Variants in LRRC49 observed in about 807,000 individuals in gnomAD.
The protein encoded by LRRC49 is leucine-rich repeat-containing protein 49.
LRRC49 carries 50 observed loss-of-function variants against 83.3 expected under a neutral mutation model. That is an observed-to-expected ratio of 0.60 (90% CI 0.48 to 0.76). LRRC49 has a LOEUF of 0.76. Ranked by LOEUF, LRRC49 falls within the 30% of genes least tolerant of loss-of-function variation. LRRC49 has a pLI of 0.00. For synonymous variants in LRRC49, 286 were observed against 283.3 expected (o/e 1.01, Z -0.10); for missense variants, 704 against 809.1 (o/e 0.87, Z 1.58).
At chr15:71,041,854 A>G (rs970317343) in intron 15 of LRRC49, among the ~76,000 whole-genome samples, 1 of 152,174 alleles carries the variant, frequency 6.6e-6, no homozygotes, top group Non-Finnish European at 1.5e-5. Context: ...ATTAAGGCAT[A>G]TTATAAATAC....
In LRRC49 at chr15:70,939,909, A is replaced by G. The variant is rs1301082234; in HGVS notation, c.773+3087A>G. Reference sequence around the variant, plus strand: ...TTTAAGTTCTCTAATGACCTTTGTTAGTACATATGTTAGTACATATAGTAT... The same window carrying G: ...TTTAAGTTCTCTAATGACCTTTGTTGGTACATATGTTAGTACATATAGTAT... On this transcript the variant is annotated intron_variant, in intron 8 of 15. Transcript: ENST00000260382. Among the ~76,000 whole-genome samples, 3 of 130,006 alleles carry G rather than the reference A, an allele frequency of 2.3e-5. No homozygotes were observed. The Admixed American group carries it at 2.5e-4, about 11-fold the overall frequency. 85.3% of individuals were successfully genotyped at this position (130,006 alleles called of 152,430 possible).
At chr15:70,997,367 C>T (rs1036037064) in intron 11 of LRRC49, among the ~76,000 whole-genome samples, 1 of 152,070 alleles carries the variant, frequency 6.6e-6, no homozygotes, top group Non-Finnish European at 1.5e-5. Context: ...CTTTTGGTTA[C>T]TGTTTGCATG....
chr15:70,977,145 T>C (rs1456933192), intron 9 of LRRC49, among the ~76,000 whole-genome samples: 1 of 152,230 alleles, frequency 6.6e-6, no homozygotes, highest in African/African-American at 2.4e-5. Context: ...GAGTCAACAA[T>C]TGAACATCAA....
At chr15:70,952,149 T>G (rs1272955168) in intron 8 of LRRC49, among the ~76,000 whole-genome samples, 1 of 152,056 alleles carries the variant, frequency 6.6e-6, no homozygotes, top group African/African-American at 2.4e-5. Flanking sequence ...TTTGATGTGC[T>G]TCTGAATTTG....
chr15:70,933,178 A>G (rs900355352), intron 7 of LRRC49, among the ~76,000 whole-genome samples: 6 of 152,074 alleles, frequency 3.9e-5, no homozygotes, highest in Non-Finnish European at 8.8e-5. Flanking sequence ...AATTTTTTCT[A>G]TTTTTTAAAA....
chr15:70,907,185 T>C lies in LRRC49; in HGVS notation c.500+2430T>C, dbSNP rs1427017009. On this transcript the variant is annotated intron_variant, in intron 5 of 15. Transcript: ENST00000260382. ...GTACATCTGCTACCCTGTCTCTTCA[T>C]GCATTTGTGTTAAATGACTTGTTGC... Among the ~76,000 whole-genome samples the C allele has an allele frequency of 2.6e-5, 4 of 152,234 alleles. No individual in the cohort carries two copies. In the East Asian group the frequency reaches 7.7e-4, roughly 29 times the overall value.
intron 1 of LRRC49, among the ~76,000 whole-genome samples, chr15:70,867,496 C>T (rs2141073582): frequency 6.6e-6 from 1 of 152,180 alleles, no homozygotes; most frequent in African/African-American, 2.4e-5. Context: ...TGCAGCAGTC[C>T]CAAGTCCCAA....
chr15:70,973,245 G>A (rs749445972), intron 9 of LRRC49, among the ~76,000 whole-genome samples: 3 of 152,122 alleles, frequency 2.0e-5, no homozygotes, highest in Non-Finnish European at 2.9e-5. Context: ...CCCCTCTTCT[G>A]CAGGTCTGCT....
chr15:71,031,042 C>T (rs375378847), intron 14 of LRRC49, among the ~76,000 whole-genome samples: 34 of 152,206 alleles, frequency 2.2e-4, no homozygotes, highest in African/African-American at 7.7e-4. Context: ...AGATTTGTGC[C>T]ATTGCTGGGG....
chr15:71,035,336 G>T (rs1567110573), intron 14 of LRRC49, among the ~76,000 whole-genome samples: 1 of 151,544 alleles, frequency 6.6e-6, no homozygotes, highest in Non-Finnish European at 1.5e-5. Flanking sequence ...CATTATTATT[G>T]TTTTTTTTAA....
At chr15:70,890,613 G>A (rs1428911295), upstream of LRRC49, among the ~76,000 whole-genome samples, 1 of 152,198 alleles carries the variant, frequency 6.6e-6, no homozygotes, top group African/African-American at 2.4e-5. Flanking sequence ...TGCTACTGAA[G>A]TATCTGTGCT....
At chr15:71,049,344 T>G in intron 15 of LRRC49, 65 bp from the exon 16 acceptor site, 1 of 1,025,142 alleles carries the variant, frequency 9.8e-7, no homozygotes. Context: ...GTGGTTCAGC[T>G]AATTGTTGCT....
At chr15:71,017,152 G>A (rs2038854294) in intron 14 of LRRC49, among the ~76,000 whole-genome samples, 2 of 151,938 alleles carry the variant, frequency 1.3e-5, no homozygotes, top group South Asian at 4.2e-4. Flanking sequence ...GAACAAAAAG[G>A]AAGCTTAAAA....
At chr15:70,968,158 C>A (rs910545045) in intron 9 of LRRC49, among the ~76,000 whole-genome samples, 1 of 152,002 alleles carries the variant, frequency 6.6e-6, no homozygotes, top group Non-Finnish European at 1.5e-5. Flanking sequence ...CCCCAACAGG[C>A]CCTGGTATGT....
At chr15:70,979,786 C>G (rs1001904417) in intron 9 of LRRC49, among the ~76,000 whole-genome samples, 3 of 152,072 alleles carry the variant, frequency 2.0e-5, no homozygotes, top group African/African-American at 7.2e-5. Context: ...TATGTGGAAC[C>G]ATGATGCACA....
intron 6 of LRRC49, among the ~76,000 whole-genome samples, chr15:70,914,551 G>A (rs889985991): frequency 1.3e-5 from 2 of 152,128 alleles, no homozygotes; most frequent in Admixed American, 1.3e-4. Flanking sequence ...AACTAAAGTA[G>A]TAGCAATAAG....
intron 1 of LRRC49, 77 bp from the exon 2 acceptor site, chr15:70,893,507 T>A: frequency 1.2e-6 from 1 of 841,864 alleles, no homozygotes; most frequent in Non-Finnish European, 1.9e-6. Context: ...TGTATTTCTG[T>A]TTGTACCTTT....
intron 11 of LRRC49, among the ~76,000 whole-genome samples, chr15:71,002,760 C>T (rs990287971): frequency 2.0e-5 from 3 of 151,752 alleles, no homozygotes; most frequent in African/African-American, 2.4e-5. Context: ...AGGCCTGTTA[C>T]GAAAAGCCTA....
intron 14 of LRRC49, among the ~76,000 whole-genome samples, chr15:71,016,438 T>C (rs2038829471): frequency 6.6e-6 from 1 of 152,038 alleles, no homozygotes; most frequent in South Asian, 2.1e-4. Context: ...AAGTAATGAA[T>C]GAAGCTTTTA....
Sources: gnomAD v4.1 joint callset for allele counts (sites outside exome capture counted in the v4.1 genomes callset) on GRCh38, gnomAD v4.1.1 for gene constraint, MANE v1.5 for transcripts, NCBI Gene and HGNC (gene_info 2026-07-23, HGNC 2026-07-21) for gene names.